Variants in GRIK2 observed in about 807,000 individuals in gnomAD.
GRIK2 encodes the protein glutamate ionotropic receptor kainate type subunit 2, also known as glutamate receptor ionotropic, kainate 2.
GRIK2 carries 32 observed loss-of-function variants against 100.3 expected under a neutral mutation model. The observed-to-expected ratio is 0.32, with a 90% CI of 0.24 to 0.43. The LOEUF is 0.43. Ranked by LOEUF, GRIK2 falls within the 20% of genes least tolerant of loss-of-function variation. GRIK2 has a pLI of 1.00. For missense variants in GRIK2, 843 were observed against 1,114.9 expected, an observed-to-expected ratio of 0.76 and a Z score of 3.47; for synonymous variants, 417 against 389.4, an observed-to-expected ratio of 1.07 and a Z score of -0.83.
At chr6:101,731,222 C>T (rs747027874) in intron 7 of GRIK2, among the ~76,000 whole-genome samples, 1 of 151,828 alleles carries the variant, frequency 6.6e-6, no homozygotes, top group Non-Finnish European at 1.5e-5. Flanking sequence ...AACCCAGTTG[C>T]TAAAGAAACT....
At chr6:101,790,749 T>C (rs1779787551) in intron 7 of GRIK2, among the ~76,000 whole-genome samples, 2 of 151,394 alleles carry the variant, frequency 1.3e-5, no homozygotes, top group Admixed American at 1.3e-4. Context: ...ATTCCCTCTT[T>C]TTCTATTGAT....
chr6:102,037,051 T>G (rs1770308081), intron 15 of GRIK2, among the ~76,000 whole-genome samples: 1 of 151,356 alleles, frequency 6.6e-6, no homozygotes, highest in East Asian at 1.9e-4. Context: ...CCAAAAAATT[T>G]AATATTAAAT....
At chr6:101,642,022 AGAATT>A (rs1781296447) in intron 4 of GRIK2, among the ~76,000 whole-genome samples, 1 of 151,948 alleles carries the variant, frequency 6.6e-6, no homozygotes, top group African/African-American at 2.4e-5. Context: ...TTAGGAGAAT[AGAATT>A]GGTTACCAAA....
chr6:101,930,136 G>A (rs1410880934), intron 14 of GRIK2, among the ~76,000 whole-genome samples: 1 of 152,062 alleles, frequency 6.6e-6, no homozygotes, highest in Non-Finnish European at 1.5e-5. Context: ...GATCCCAGGA[G>A]GTTGAGACCA....
intron 11 of GRIK2, among the ~76,000 whole-genome samples, chr6:101,872,312 A>G (rs1007815120): frequency 1.3e-5 from 2 of 151,920 alleles, no homozygotes; most frequent in African/African-American, 4.8e-5. Context: ...ATCGACTCAC[A>G]GTTCCACATG....
chr6:102,037,434 T>C (rs753930919), intron 15 of GRIK2, among the ~76,000 whole-genome samples: 3 of 151,276 alleles, frequency 2.0e-5, no homozygotes, highest in Non-Finnish European at 4.4e-5. Flanking sequence ...ACAAAAGATA[T>C]TTTGGAGGAG....
At position 101,667,124 on chromosome 6, in the gene GRIK2, C is replaced by G. The variant is rs1770089402; in HGVS notation, c.542-9499C>G. 2.0e-5 allele frequency among the ~76,000 whole-genome samples: 3 copies of G among 152,124 alleles called. No homozygotes were observed. In the South Asian group the frequency reaches 6.2e-4, roughly 32 times the overall value. On this transcript the variant is annotated intron_variant, in intron 4 of 16. Transcript: ENST00000369134. The stretch of plus-strand genomic sequence containing the variant: ...GGGCTGCCATGCCACTTATATGATT[C>G]TAAAATTTGACATTGTTATGCCACA...
At chr6:101,911,554 G>A (rs1184108453) in intron 12 of GRIK2, among the ~76,000 whole-genome samples, 1 of 151,370 alleles carries the variant, frequency 6.6e-6, no homozygotes, top group Non-Finnish European at 1.5e-5. Flanking sequence ...ATCATTATTT[G>A]TAACACTTTG....
chr6:101,821,644 A>G (rs1278342540), intron 10 of GRIK2, among the ~76,000 whole-genome samples: 1 of 152,110 alleles, frequency 6.6e-6, no homozygotes, highest in Non-Finnish European at 1.5e-5. Context: ...TTATTTTTAT[A>G]CCTTTTAGTT....
intron 7 of GRIK2, among the ~76,000 whole-genome samples, chr6:101,696,189 A>G (rs926922993): frequency 3.3e-5 from 5 of 151,984 alleles, no homozygotes; most frequent in African/African-American, 1.2e-4. Flanking sequence ...GTGATTTATA[A>G]TGAACACATT....
chr6:101,487,847 A>G (rs1367884918), intron 2 of GRIK2, among the ~76,000 whole-genome samples: 1 of 146,470 alleles, frequency 6.8e-6, no homozygotes, highest in East Asian at 1.9e-4. Context: ...CAGACTTAGA[A>G]TATATATTTT....
chr6:101,789,961 T>A (rs1479416082), intron 7 of GRIK2, among the ~76,000 whole-genome samples: 1 of 152,172 alleles, frequency 6.6e-6, no homozygotes, highest in Non-Finnish European at 1.5e-5. Context: ...TTATTCTCTT[T>A]GAAGCAATTG....
intron 12 of GRIK2, among the ~76,000 whole-genome samples, chr6:101,905,087 A>G (rs891601372): frequency 1.8e-4 from 27 of 151,602 alleles, no homozygotes; most frequent in African/African-American, 6.5e-4. Flanking sequence ...CAAAAAGCTA[A>G]AAGAGAAGTA....
At chr6:101,832,367 A>G (rs1221695561) in intron 10 of GRIK2, among the ~76,000 whole-genome samples, 1 of 152,208 alleles carries the variant, frequency 6.6e-6, no homozygotes, top group Non-Finnish European at 1.5e-5. Context: ...CACCATAATA[A>G]TAAATAATTT....
intron 7 of GRIK2, among the ~76,000 whole-genome samples, chr6:101,693,853 A>G (rs971818060): frequency 3.9e-5 from 6 of 152,242 alleles, no homozygotes; most frequent in South Asian, 2.1e-4. Context: ...ATGTATATGT[A>G]TATGATCCAA....
rs1781762860 is a variant in GRIK2, at chr6:101,818,396, C to A, written c.1230C>A (p.Gly410=). 3.7e-6 allele frequency: 6 copies of A among 1,607,720 alleles called. No homozygotes were observed. Among genetic ancestry groups the A allele is most frequent in the Middle Eastern group, 1.6e-4 (1 of 6,070 alleles). Residue 410 remains glycine (G), a synonymous_variant, in exon 10 of 17, where the codon GGC becomes GGA. Transcript: ENST00000369134. ...TTGGAACGTGGGATCCAGCCAGTGG[C>A]CTGAATATGACAGAAAGTCAAAAGG... is the stretch of plus-strand genomic sequence containing the variant. The part of the protein sequence containing the change: ...EKIGTWDPAS[G]LNMTESQKGK...
At chr6:101,628,342 T>G (rs933247403) in intron 4 of GRIK2, among the ~76,000 whole-genome samples, 1 of 152,060 alleles carries the variant, frequency 6.6e-6, no homozygotes, top group Non-Finnish European at 1.5e-5. Context: ...TAGATACAAA[T>G]TAGAGTAATT....
chr6:101,678,965 T>C (rs1226667145), intron 5 of GRIK2, among the ~76,000 whole-genome samples: 2 of 152,188 alleles, frequency 1.3e-5, no homozygotes, highest in African/African-American at 2.4e-5. Flanking sequence ...AGATTTCCTC[T>C]GAGGCAAGTT....
chr6:101,402,410 C>A (rs938602262), intron 2 of GRIK2, among the ~76,000 whole-genome samples: 9 of 152,154 alleles, frequency 5.9e-5, no homozygotes, highest in Non-Finnish European at 1.0e-4. Flanking sequence ...TCCCCCTTAA[C>A]CTCCAGCCTC....
Sources: allele counts gnomAD v4.1 joint callset (sites outside exome capture counted in the v4.1 genomes callset), GRCh38; gene constraint gnomAD v4.1.1; transcripts MANE v1.5; gene names NCBI Gene and HGNC (gene_info 2026-07-23, HGNC 2026-07-21).